The following USP9X variants were observed in gnomAD, a reference collection of about 807,000 sequenced individuals.
USP9X encodes the protein ubiquitin specific peptidase 9 X-linked.
A neutral mutation model predicts 190.3 loss-of-function variants in USP9X; 7 were observed. The ratio of observed to expected loss-of-function variants is 0.04; its 90% CI spans 0.02 to 0.07. USP9X has a LOEUF of 0.07. Ranked by LOEUF, USP9X falls within the 10% of genes least tolerant of loss-of-function variation. The pLI is 1.00. For missense variants in USP9X, 1,010 were observed against 1,916.9 expected, an observed-to-expected ratio of 0.53 and a Z score of 8.83; for synonymous variants, 645 against 659.5, an observed-to-expected ratio of 0.98 and a Z score of 0.34.
intron 37 of USP9X, 75 bp from the exon 38 acceptor site, chrX:41,219,027 C>T (rs750921398): frequency 3.2e-5 from 33 of 1,036,544 alleles, no homozygotes; most frequent in Non-Finnish European, 4.3e-5. Context: ...AGCATATGTG[C>T]ATGTCCTTTT....
intron 1 of USP9X, among the ~76,000 whole-genome samples, chrX:41,117,456 C>T (rs2146970952): frequency 9.1e-6 from 1 of 110,449 alleles, no homozygotes; most frequent in African/African-American, 3.3e-5. Context: ...TATTTTAGCT[C>T]AAATGATCTC....
intron 2 of USP9X, among the ~76,000 whole-genome samples, chrX:41,124,695 T>C (rs973447916): frequency 2.7e-5 from 3 of 111,643 alleles, no homozygotes; most frequent in African/African-American, 9.8e-5. Flanking sequence ...AATTGTAAAT[T>C]GTCAATTTAC....
At chrX:41,131,664 G>T in intron 4 of USP9X, 128 bp downstream of exon 4, 2 of 471,516 alleles carry the variant, frequency 4.2e-6, no homozygotes, top group Non-Finnish European at 6.7e-6. Context: ...GCAAGGAGGG[G>T]CTCATATCCT....
intron 21 of USP9X, among the ~76,000 whole-genome samples, chrX:41,174,628 A>G (rs1052735403): frequency 1.3e-4 from 15 of 111,621 alleles, no homozygotes; most frequent in African/African-American, 4.2e-4. Flanking sequence ...AATTTTTCCC[A>G]TTACTGACGA....
At chrX:41,086,320 G>A (rs907777990) in intron 1 of USP9X, among the ~76,000 whole-genome samples, 1 of 111,853 alleles carries the variant, frequency 8.9e-6, no homozygotes, top group Non-Finnish European at 1.9e-5. Context: ...TGTCCCGAGA[G>A]CGTGTCTGTG....
chrX:41,185,710 T>C (rs1173037524), intron 23 of USP9X, among the ~76,000 whole-genome samples: 1 of 110,343 alleles, frequency 9.1e-6, no homozygotes, highest in East Asian at 2.8e-4. Context: ...CTTGTTAGGA[T>C]AAAAACAGAT....
At position 41,215,970 on chromosome X, in the gene USP9X, C is replaced by T. The variant is rs1270893873; in HGVS notation, c.5403C>T (p.Asp1801=). 5.8e-6 allele frequency: 7 copies of T among 1,209,184 alleles called. No individual in the cohort carries two copies. The African/African-American group carries it at 7.0e-5, about 12-fold the overall frequency. ...PVLAIQLKRF[D]YDWERECAIK... ...TTGCTATACAACTAAAGCGATTTGA[C>T]TATGACTGGGAAAGAGAATGTGCAA... The change falls in exon 35 of 45, where the codon GAC becomes GAT. Residue 1801 remains aspartate, a synonymous_variant. Coordinates refer to ENST00000378308, the MANE Select transcript of USP9X (RefSeq NM_001039591.3).
Position 41,197,352 on chromosome X carries a change from C to CCCCCCAAG in USP9X, c.4234-12_4234-11insCCCCCAAG. On this transcript the variant is annotated splice_polypyrimidine_tract_variant and intron_variant, in intron 28 of 44. Coordinates refer to ENST00000378308, the MANE Select transcript of USP9X (RefSeq NM_001039591.3). ...TTCTTCCCCCCCCCACCCCACCCCC[C>CCCCCCAAG]GCCTTTGGCAGGATGATGTTAAAAG... is the stretch of plus-strand genomic sequence containing the variant. The CCCCCCAAG allele has an allele frequency of 3.0e-6, 3 of 988,190 alleles. No homozygotes were observed. Among genetic ancestry groups the CCCCCCAAG allele is most frequent in the Non-Finnish European group, 4.0e-6 (3 of 759,361 alleles). 81.4% of individuals were successfully genotyped at this position (988,190 alleles called of 1,213,427 possible).
chrX:41,176,632 A>C (rs1442947109), intron 21 of USP9X, among the ~76,000 whole-genome samples: 1 of 112,069 alleles, frequency 8.9e-6, no homozygotes, highest in Non-Finnish European at 1.9e-5. Context: ...ATTTTCCTTT[A>C]AAAAGAAACA....
chrX:41,163,127 A>G (rs1299918368), intron 15 of USP9X, among the ~76,000 whole-genome samples: 1 of 111,978 alleles, frequency 8.9e-6, no homozygotes, highest in Non-Finnish European at 1.9e-5. Flanking sequence ...TTATGCTGGA[A>G]ATAATGTTTA....
chrX:41,108,227 A>G (rs1256523027), intron 1 of USP9X, among the ~76,000 whole-genome samples: 1 of 111,478 alleles, frequency 9.0e-6, no homozygotes, highest in Non-Finnish European at 1.9e-5. Context: ...CATGCCTGGG[A>G]TGATGGTGAT....
chrX:41,227,226 G>A, intron 41 of USP9X, among the ~76,000 whole-genome samples: 1 of 111,976 alleles, frequency 8.9e-6, no homozygotes, highest in Admixed American at 9.5e-5. Flanking sequence ...GCACTGCTTG[G>A]CATCAGGTAA....
intron 11 of USP9X, among the ~76,000 whole-genome samples, chrX:41,147,029 A>G (rs907607354): frequency 1.8e-5 from 2 of 111,576 alleles, no homozygotes; most frequent in African/African-American, 6.5e-5. Flanking sequence ...GTGAGTTTTA[A>G]TCAGGATCCT....
chrX:41,122,335 C>A (rs1167250591), intron 1 of USP9X, among the ~76,000 whole-genome samples: 47 of 111,888 alleles, frequency 4.2e-4, no homozygotes, highest in Non-Finnish European at 1.9e-5. Context: ...TACTTAGAAG[C>A]TAGTTTAAAA....
At chrX:41,109,921 A>T (rs777040393) in intron 1 of USP9X, among the ~76,000 whole-genome samples, 13 of 112,033 alleles carry the variant, frequency 1.2e-4, no homozygotes, top group Non-Finnish European at 2.3e-4. Flanking sequence ...ACCTTTGAGC[A>T]AAGGCCACAT....
chrX:41,137,073 G>A (rs1430852050), intron 6 of USP9X, 51 bp downstream of exon 6: 2 of 1,062,796 alleles, frequency 1.9e-6, no homozygotes, highest in African/African-American at 1.9e-5. Flanking sequence ...GTTTTGTTCT[G>A]ACACAGAATC....
intron 18 of USP9X, among the ~76,000 whole-genome samples, chrX:41,168,468 A>T (rs983791463): frequency 9.0e-6 from 1 of 111,654 alleles, no homozygotes; most frequent in African/African-American, 3.3e-5. Context: ...ATTATTACTC[A>T]TTAAGTGTTG....
chrX:41,212,849 C>T (rs2063179134), intron 33 of USP9X, among the ~76,000 whole-genome samples: 1 of 111,109 alleles, frequency 9.0e-6, no homozygotes, highest in African/African-American at 3.3e-5. Context: ...ATAGTCTTAC[C>T]ACTCATTCAT....
At chrX:41,101,691 TAAATA>T (rs1366965458) in intron 1 of USP9X, among the ~76,000 whole-genome samples, 3 of 110,807 alleles carry the variant, frequency 2.7e-5, no homozygotes, top group African/African-American at 9.8e-5. Context: ...TTAAAAAAAA[TAAATA>T]AATAATGACT....
Sources: allele counts gnomAD v4.1 joint callset (sites outside exome capture counted in the v4.1 genomes callset), GRCh38; gene constraint gnomAD v4.1.1; transcripts MANE v1.5; gene names NCBI Gene and HGNC (gene_info 2026-07-23, HGNC 2026-07-21).